The following FRMPD4 variants were observed in gnomAD, a reference collection of about 807,000 sequenced individuals.
FRMPD4 encodes the protein FERM and PDZ domain containing 4, also known as FERM and PDZ domain-containing protein 4.
Under a neutral mutation model 94.1 loss-of-function variants are expected in FRMPD4, and 22 were observed. The observed-to-expected ratio is 0.23, with a 90% confidence interval of 0.17 to 0.33. The LOEUF is 0.33. Ranked by LOEUF, FRMPD4 falls within the 10% of genes least tolerant of loss-of-function variation. The probability of loss-of-function intolerance (pLI) is 1.00; values close to 1 mark genes in which losing one functional copy is unlikely to be tolerated. For synonymous variants in FRMPD4, 631 were observed against 548.6 expected, an observed-to-expected ratio of 1.15 and a Z score of -2.10; for missense variants, 1,111 against 1,339.9, an observed-to-expected ratio of 0.83 and a Z score of 2.67.
At chrX:11,848,485 C>A (rs1006938653) in intron 1 of FRMPD4, among the ~76,000 whole-genome samples, 2 of 108,123 alleles carry the variant, frequency 1.8e-5, no homozygotes, top group Non-Finnish European at 3.8e-5. Context: ...ATATTCAGTC[C>A]ATTTTTAAGT....
At chrX:12,559,314 C>T (rs1439858535) in intron 2 of FRMPD4, among the ~76,000 whole-genome samples, 2 of 111,609 alleles carry the variant, frequency 1.8e-5, no homozygotes, top group Non-Finnish European at 1.9e-5. Context: ...AAAGATTTTT[C>T]TAGTTAGGGC....
chrX:12,401,795 A>G (rs887013008), intron 1 of FRMPD4, among the ~76,000 whole-genome samples: 1 of 111,981 alleles, frequency 8.9e-6, no homozygotes, highest in African/African-American at 3.2e-5. Flanking sequence ...CCAGTGCACA[A>G]ATAGTCCATT....
At chrX:12,184,364 G>A (rs1187902941) in intron 1 of FRMPD4, among the ~76,000 whole-genome samples, 2 of 111,613 alleles carry the variant, frequency 1.8e-5, no homozygotes, top group Non-Finnish European at 3.8e-5. Context: ...GTAGACAACC[G>A]TTGAGTTTGA....
At chrX:12,124,403 A>G (rs2055482464) in intron 3 of FRMPD4, among the ~76,000 whole-genome samples, 1 of 112,208 alleles carries the variant, frequency 8.9e-6, no homozygotes, top group African/African-American at 3.2e-5. Context: ...GGCAGACCAA[A>G]TATCAAGGGC....
In FRMPD4 at chrX:11,921,481, T is replaced by TG. The variant is rs1385080707; in HGVS notation, c.95+43464dup. Among the ~76,000 whole-genome samples, 10 of 109,123 alleles carry TG rather than the reference T, an allele frequency of 9.2e-5. No individual in the cohort carries two copies. In the South Asian group the frequency reaches 1.3e-3, roughly 14 times the overall value. The allele number at this position is 109,123 out of a possible 115,157, so 94.8% of individuals were successfully genotyped here. A position where few individuals can be genotyped will look rare whatever the true frequency, so the allele number is the denominator to read the frequency against. ...GGGTTAGGGTTTCAATTTATGCATT[T>TG]GTGGGGGGACATGATTCAGTCCATA... On this transcript the variant is annotated intron_variant, in intron 3 of 18. Coordinates refer to the FRMPD4 transcript ENST00000640291.
intron 3 of FRMPD4, among the ~76,000 whole-genome samples, 171 bp from the exon 4 acceptor site, chrX:12,614,608 T>G (rs1408745684): frequency 8.9e-6 from 1 of 112,026 alleles, no homozygotes; most frequent in Non-Finnish European, 1.9e-5. Context: ...CTGATTTAAC[T>G]GGTCAGGGTA....
chrX:12,034,499 TG>T (rs2054709504), intron 3 of FRMPD4, among the ~76,000 whole-genome samples: 1 of 112,115 alleles, frequency 8.9e-6, no homozygotes, highest in South Asian at 3.7e-4. Flanking sequence ...TTCCTTCATC[TG>T]GGAGTTGGAT....
chrX:12,095,270 C>T (rs1017258853), intron 3 of FRMPD4, among the ~76,000 whole-genome samples: 3 of 107,992 alleles, frequency 2.8e-5, no homozygotes, highest in Non-Finnish European at 3.8e-5. Flanking sequence ...CCCAGCTACT[C>T]GAGAGGCTGT....
chrX:12,453,670 A>G (rs2057299211), intron 1 of FRMPD4, among the ~76,000 whole-genome samples: 1 of 111,851 alleles, frequency 8.9e-6, no homozygotes, highest in Admixed American at 9.5e-5. Flanking sequence ...TCTATCGTTT[A>G]TTCATTTATA....
intron 3 of FRMPD4, among the ~76,000 whole-genome samples, chrX:11,968,394 G>A (rs746198540): frequency 8.6e-4 from 96 of 111,863 alleles, no homozygotes; most frequent in African/African-American, 2.9e-3. Context: ...GGCCAAAGAG[G>A]AGTCTCAGAA....
chrX:12,018,637 G>A (rs1277863101), intron 3 of FRMPD4, among the ~76,000 whole-genome samples: 2 of 110,116 alleles, frequency 1.8e-5, no homozygotes, highest in Non-Finnish European at 3.8e-5. Flanking sequence ...GGCTGGTCTC[G>A]AACTCCTGAC....
chrX:12,708,486 AC>A (rs1291736589), intron 13 of FRMPD4, among the ~76,000 whole-genome samples: 61 of 97,268 alleles, frequency 6.3e-4, no homozygotes, highest in African/African-American at 2.7e-3. Context: ...AAAAAAAAAC[AC>A]AAAAATCTGA....
intron 1 of FRMPD4, among the ~76,000 whole-genome samples, chrX:12,158,457 C>T (rs5979526): frequency 0.15 from 16,265 of 111,178 alleles, 1,248 homozygotes; most frequent in African/African-American, 0.28. Flanking sequence ...GATGTAGACT[C>T]AATGGATTTC....
intron 1 of FRMPD4, among the ~76,000 whole-genome samples, chrX:12,477,369 G>A (rs746272866): frequency 6.3e-4 from 70 of 111,994 alleles, no homozygotes; most frequent in Admixed American, 3.3e-3. Context: ...ACGAGTTAAC[G>A]GGTGCAGCAC....
intron 3 of FRMPD4, among the ~76,000 whole-genome samples, chrX:11,902,600 A>C (rs1251632929): frequency 9.0e-6 from 1 of 111,306 alleles, no homozygotes; most frequent in Non-Finnish European, 1.9e-5. Flanking sequence ...ATTCTATCAC[A>C]TTGGGGGTTA....
intron 1 of FRMPD4, among the ~76,000 whole-genome samples, chrX:12,231,050 A>T (rs752302625): frequency 6.7e-3 from 203 of 30,523 alleles, no homozygotes; most frequent in African/African-American, 0.019. Flanking sequence ...ATATATATAA[A>T]ATATATATAT....
chrX:11,947,923 T>C (rs1601851149), intron 3 of FRMPD4, among the ~76,000 whole-genome samples: 1 of 84,900 alleles, frequency 1.2e-5, no homozygotes. Flanking sequence ...CCGTCTCTAT[T>C]TAAAAAAAAT....
chrX:12,181,397 G>A (rs1403976878), intron 1 of FRMPD4, among the ~76,000 whole-genome samples: 3 of 112,201 alleles, frequency 2.7e-5, no homozygotes, highest in African/African-American at 9.7e-5. Context: ...TTAGAAAAAA[G>A]ATGGATAATC....
At chrX:12,380,638 C>T (rs1460452361) in intron 1 of FRMPD4, among the ~76,000 whole-genome samples, 1 of 112,229 alleles carries the variant, frequency 8.9e-6, no homozygotes, top group Non-Finnish European at 1.9e-5. Context: ...CTGCAATAAT[C>T]ATTTCTTTGA....
Sources: gnomAD v4.1 joint callset for allele counts (sites outside exome capture counted in the v4.1 genomes callset) on GRCh38, gnomAD v4.1.1 for gene constraint, MANE v1.5 for transcripts, NCBI Gene and HGNC (gene_info 2026-07-23, HGNC 2026-07-21) for gene names.